Variants in G3BP1 observed in about 807,000 individuals in gnomAD.
The protein encoded by G3BP1 is G3BP stress granule assembly factor 1.
A neutral mutation model predicts 58.6 loss-of-function variants in G3BP1; 35 were observed. The observed-to-expected ratio is 0.60, with a 90% confidence interval of 0.46 to 0.79. The LOEUF (loss-of-function observed/expected upper bound fraction) is 0.79. Among genes scored for constraint, G3BP1 ranks in the 30% least tolerant of loss-of-function variants. The pLI is 0.00. For missense variants in G3BP1, 523 were observed against 580.8 expected (o/e 0.90, Z 1.02); for synonymous variants, 191 against 195.4 (o/e 0.98, Z 0.19).
intron 1 of G3BP1, among the ~76,000 whole-genome samples, chr5:151,782,451 A>G (rs950454563): frequency 6.6e-6 from 1 of 152,222 alleles, no homozygotes; most frequent in African/African-American, 2.4e-5. Context: ...TGGATGGTTC[A>G]GTTAGAACTG....
chr5:151,800,232 G>T lies in G3BP1; in HGVS notation c.970G>T (p.Glu324Ter). Reference sequence around the variant, plus strand: ...CTCCTTTTAAGTCCGTGAGGCTGGTGAGCAAGGTGACATTGAACCCCGAAG... The same window carrying T: ...CTCCTTTTAAGTCCGTGAGGCTGGTTAGCAAGGTGACATTGAACCCCGAAG... ...RGPRPIREAG[E>*]QGDIEPRRMV... The change falls in exon 10 of 12, where the codon GAG (glutamate) becomes TAG (stop). Residue 324 changes from glutamate (E) to a stop codon, truncating the protein, a stop_gained. Transcript: ENST00000356245. LOFTEE classifies it high-confidence loss of function. 1 of 1,612,634 alleles carries T rather than the reference G, an allele frequency of 6.2e-7. No individual in the cohort carries two copies. Among genetic ancestry groups the T allele is most frequent in the South Asian group, 1.1e-5 (1 of 90,986 alleles).
chr5:151,798,298 A>G (rs982713488), intron 7 of G3BP1, among the ~76,000 whole-genome samples: 4 of 152,072 alleles, frequency 2.6e-5, no homozygotes, highest in Admixed American at 6.6e-5. Flanking sequence ...GCAGTGAGCT[A>G]TGATTATGCC....
intron 11 of G3BP1, 67 bp downstream of exon 11, chr5:151,800,936 A>C: frequency 1.3e-6 from 1 of 757,994 alleles, no homozygotes; most frequent in East Asian, 2.6e-5. Context: ...TTTAGAATAT[A>C]TCTTTACAGC....
At chr5:151,796,267 T>C (rs910234023) in intron 6 of G3BP1, among the ~76,000 whole-genome samples, 3 of 152,094 alleles carry the variant, frequency 2.0e-5, no homozygotes. Flanking sequence ...ATCTGCAGTT[T>C]TGTTTGTTTT....
intron 9 of G3BP1, 90 bp from the exon 10 acceptor site, chr5:151,800,128 A>T: frequency 7.6e-7 from 1 of 1,317,788 alleles, no homozygotes. Context: ...ACCTGTTTTT[A>T]GTGTAGAGGG....
At position 151,805,849 on chromosome 5, in the gene G3BP1, C is replaced by A. The variant is rs1196576347; in HGVS notation, c.*1758C>A. The A allele has an allele frequency of 6.6e-6, 1 of 151,960 alleles. No individual in the cohort carries two copies. The highest frequency in any genetic ancestry group is 1.5e-5 in the Non-Finnish European group (1 of 67,960). The allele number at this position is 151,960 out of a possible 1,614,324, so 9.4% of individuals were successfully genotyped here. A position where few individuals can be genotyped will look rare whatever the true frequency, so the allele number is the denominator to read the frequency against. Reference sequence around the variant, plus strand: ...GTGGAAAGAAAAGTTTAGTCTGAGTCACTTTGGAAAAAAAAATTACTTTGT... The same window carrying A: ...GTGGAAAGAAAAGTTTAGTCTGAGTAACTTTGGAAAAAAAAATTACTTTGT... On this transcript the variant is annotated 3_prime_UTR_variant, in exon 12 of 12. Transcript: ENST00000356245.
Position 151,797,446 on chromosome 5 carries a change from A to T in G3BP1, c.741+18A>T, listed in dbSNP as rs760344048. ...ACTTGAGGGTATGAAACGTGTCTTC[A>T]TTTTTATTCTATTCCTAGTTATTTT... is the stretch of plus-strand genomic sequence containing the variant. On this transcript the variant is annotated intron_variant, in intron 7 of 11. Coordinates refer to ENST00000356245, the MANE Select transcript of G3BP1 (RefSeq NM_005754.3). The T allele has an allele frequency of 8.8e-6, 14 of 1,584,796 alleles. No homozygotes were observed. The highest frequency in any genetic ancestry group is 2.3e-5 in the South Asian group (2 of 86,820).
At chr5:151,802,526 A>G (rs1762871948) in intron 11 of G3BP1, among the ~76,000 whole-genome samples, 1 of 152,138 alleles carries the variant, frequency 6.6e-6, no homozygotes, top group African/African-American at 2.4e-5. Context: ...TTCATCACTC[A>G]TTAGTGTTGT....
intron 1 of G3BP1, among the ~76,000 whole-genome samples, chr5:151,781,970 C>T (rs1762478930): frequency 6.6e-6 from 1 of 151,852 alleles, no homozygotes; most frequent in African/African-American, 2.4e-5. Context: ...AAGGTAGATA[C>T]AGTTTTATGT....
At chr5:151,776,088 CATTGT>C (rs1205966408) in intron 1 of G3BP1, among the ~76,000 whole-genome samples, 2 of 152,174 alleles carry the variant, frequency 1.3e-5, no homozygotes, top group Non-Finnish European at 2.9e-5. Context: ...CAAGATGCCA[CATTGT>C]ATGTAGTCTC....
At chr5:151,796,915 G>A (rs1320586483) in intron 6 of G3BP1, among the ~76,000 whole-genome samples, 2 of 139,182 alleles carry the variant, frequency 1.4e-5, no homozygotes, top group African/African-American at 5.6e-5. Flanking sequence ...TATTTTGAGA[G>A]TTTTTCTGAT....
intron 11 of G3BP1, among the ~76,000 whole-genome samples, chr5:151,803,459 T>C (rs1414491527): frequency 6.6e-6 from 1 of 152,104 alleles, no homozygotes. Context: ...AACAAAAAAC[T>C]GAACTGTGAG....
intron 10 of G3BP1, 130 bp from the exon 11 acceptor site, chr5:151,800,630 G>C: frequency 1.5e-6 from 1 of 666,018 alleles, no homozygotes; most frequent in Non-Finnish European, 2.7e-6. Context: ...TCTCAATTCA[G>C]ACTAGCTATA....
intron 7 of G3BP1, 109 bp downstream of exon 7, chr5:151,797,537 GGT>G: frequency 8.3e-7 from 1 of 1,204,996 alleles, no homozygotes; most frequent in Non-Finnish European, 1.1e-6. Context: ...TTTTCATATT[GGT>G]GGTTCATTTC....
At chr5:151,796,981 G>A (rs149416244) in intron 6 of G3BP1, among the ~76,000 whole-genome samples, 2 of 149,886 alleles carry the variant, frequency 1.3e-5, no homozygotes, top group Admixed American at 6.7e-5. Flanking sequence ...AAGTGGTTTG[G>A]TTCATTTTGA....
intron 11 of G3BP1, among the ~76,000 whole-genome samples, chr5:151,802,566 C>CG (rs1316436949): frequency 6.6e-6 from 1 of 152,208 alleles, no homozygotes; most frequent in African/African-American, 2.4e-5. Flanking sequence ...TTAACCTCCC[C>CG]GGCCCTTAGT....
chr5:151,788,568 TTATATGTGTGTG>T (rs1334294996), intron 2 of G3BP1, among the ~76,000 whole-genome samples: 2 of 67,442 alleles, frequency 3.0e-5, no homozygotes, highest in African/African-American at 9.3e-5. Context: ...CCAGCTAAGT[TTATATGTGTGTG>T]TGTGTGTGTG....
At chr5:151,780,675 G>C (rs894382138) in intron 1 of G3BP1, among the ~76,000 whole-genome samples, 4 of 152,050 alleles carry the variant, frequency 2.6e-5, no homozygotes, top group African/African-American at 4.8e-5. Context: ...ACCATGCCTG[G>C]CCAGTTTTTT....
intron 5 of G3BP1, 106 bp downstream of exon 5, chr5:151,794,355 C>A: frequency 1.5e-6 from 1 of 666,096 alleles, no homozygotes; most frequent in South Asian, 1.8e-5. Context: ...ACACTCTGTT[C>A]TTCATTAATA....
Sources: gnomAD v4.1 joint callset for allele counts (sites outside exome capture counted in the v4.1 genomes callset) on GRCh38, gnomAD v4.1.1 for gene constraint, MANE v1.5 for transcripts, NCBI Gene and HGNC (gene_info 2026-07-23, HGNC 2026-07-21) for gene names.